Variants in EHBP1 observed in about 807,000 individuals in gnomAD.
EHBP1 encodes the protein EH domain-binding protein 1.
A neutral mutation model predicts 144.0 loss-of-function variants in EHBP1; 55 were observed. The observed-to-expected ratio is 0.38, with a 90% CI of 0.31 to 0.48. The LOEUF (loss-of-function observed/expected upper bound fraction) is 0.48, where lower values mean the gene tolerates loss of function less well. Ranked by LOEUF, EHBP1 falls within the 20% of genes least tolerant of loss-of-function variation. EHBP1 has a pLI of 0.98. For missense variants in EHBP1, 1,200 were observed against 1,364.2 expected (o/e 0.88, Z 1.90); for synonymous variants, 469 against 472.7 (o/e 0.99, Z 0.10).
At chr2:62,676,531 G>T (rs757409255) in intron 1 of EHBP1, among the ~76,000 whole-genome samples, 4 of 152,156 alleles carry the variant, frequency 2.6e-5, no homozygotes, top group Non-Finnish European at 4.4e-5. Flanking sequence ...ATAAAGCCAC[G>T]GGTTAGCCTG....
intron 8 of EHBP1, among the ~76,000 whole-genome samples, chr2:62,860,419 A>G (rs992881956): frequency 4.6e-5 from 7 of 152,118 alleles, no homozygotes; most frequent in Non-Finnish European, 1.5e-5. Flanking sequence ...TGAACCTGGG[A>G]GGCGGAGGTT....
Position 62,747,425 on chromosome 2 carries a change from C to A in EHBP1, c.135C>A (p.Thr45=), listed in dbSNP as rs1029320030. 1 of 1,609,040 alleles carries A rather than the reference C, an allele frequency of 6.2e-7. No individual in the cohort carries two copies. The highest frequency in any genetic ancestry group is 8.5e-7 in the Non-Finnish European group (1 of 1,177,472). The part of the protein sequence containing the change: ...WQPDKLVVVW[T]RRSRRKSSKA... ...CAGATAAACTGGTGGTAGTTTGGACCAGAAGAAGCCGAAGGAAGTCTTCTA... is the reference window on the plus strand; with the variant it reads ...CAGATAAACTGGTGGTAGTTTGGACAAGAAGAAGCCGAAGGAAGTCTTCTA... The change falls in exon 3 of 23, where the codon ACC becomes ACA. Residue 45 remains threonine (T), a synonymous_variant. Transcript: ENST00000431489.
At chr2:62,869,296 C>T (rs545392208) in intron 9 of EHBP1, among the ~76,000 whole-genome samples, 32 of 152,280 alleles carry the variant, frequency 2.1e-4, no homozygotes, top group African/African-American at 7.5e-4. Context: ...TCCATTTCTA[C>T]GTTTCAAGAG....
At chr2:62,962,284 C>A (rs964474823) in intron 14 of EHBP1, among the ~76,000 whole-genome samples, 1 of 152,116 alleles carries the variant, frequency 6.6e-6, no homozygotes, top group Non-Finnish European at 1.5e-5. Context: ...CAAGATTGTG[C>A]CACTGCACTC....
At chr2:62,901,444 G>C (rs1043487486) in intron 10 of EHBP1, among the ~76,000 whole-genome samples, 8 of 151,980 alleles carry the variant, frequency 5.3e-5, no homozygotes, top group African/African-American at 1.9e-4. Context: ...CATCTATTTT[G>C]CTGTTTATTG....
At chr2:62,842,319 T>C (rs1245777343) in intron 7 of EHBP1, among the ~76,000 whole-genome samples, 1 of 152,148 alleles carries the variant, frequency 6.6e-6, no homozygotes, top group East Asian at 1.9e-4. Context: ...ACTCCTGACC[T>C]CAGGAGATCC....
chr2:62,951,134 T>A (rs1289889319), intron 13 of EHBP1, among the ~76,000 whole-genome samples: 1 of 152,176 alleles, frequency 6.6e-6, no homozygotes, highest in Non-Finnish European at 1.5e-5. Flanking sequence ...TGTTTCTTTC[T>A]CAAATAGTCC....
intron 5 of EHBP1, among the ~76,000 whole-genome samples, chr2:62,798,632 G>A (rs753595879): frequency 5.9e-5 from 9 of 152,230 alleles, no homozygotes; most frequent in South Asian, 4.1e-4. Flanking sequence ...TTAGAACAGC[G>A]CCAGACACAT....
chr2:62,721,280 A>G (rs1216783974), intron 2 of EHBP1, among the ~76,000 whole-genome samples: 4 of 152,286 alleles, frequency 2.6e-5, no homozygotes, highest in African/African-American at 9.6e-5. Context: ...GAATTTTGAT[A>G]AGATACCACA....
intron 18 of EHBP1, among the ~76,000 whole-genome samples, chr2:62,995,429 T>C (rs1456437766): frequency 6.6e-6 from 1 of 152,106 alleles, no homozygotes; most frequent in East Asian, 1.9e-4. Flanking sequence ...AAGTTACACA[T>C]ATAGTTAGAC....
At chr2:62,811,117 A>G (rs900057354) in intron 5 of EHBP1, among the ~76,000 whole-genome samples, 1 of 152,212 alleles carries the variant, frequency 6.6e-6, no homozygotes, top group African/African-American at 2.4e-5. Context: ...TAATTTTTAT[A>G]ATGTTTATGA....
intron 15 of EHBP1, among the ~76,000 whole-genome samples, chr2:62,987,721 G>C (rs1008468611): frequency 1.3e-5 from 2 of 152,086 alleles, no homozygotes; most frequent in African/African-American, 2.4e-5. Flanking sequence ...GCTTTGATGT[G>C]ATAATTCATG....
intron 2 of EHBP1, among the ~76,000 whole-genome samples, chr2:62,725,454 CTGG>C (rs2036674746): frequency 6.6e-6 from 1 of 152,156 alleles, no homozygotes; most frequent in Admixed American, 6.5e-5. Flanking sequence ...TGCCGTCATG[CTGG>C]TGGTGGTGTT....
chr2:62,741,385 G>A (rs2038694271), intron 2 of EHBP1, among the ~76,000 whole-genome samples: 1 of 152,072 alleles, frequency 6.6e-6, no homozygotes, highest in Non-Finnish European at 1.5e-5. Flanking sequence ...TCTGCTAAAA[G>A]TTATTACTTC....
intron 14 of EHBP1, among the ~76,000 whole-genome samples, chr2:62,975,160 C>A (rs2058656983): frequency 6.6e-6 from 1 of 152,214 alleles, no homozygotes; most frequent in African/African-American, 2.4e-5. Flanking sequence ...CTAGAATGGT[C>A]AACTGAAGCA....
chr2:62,856,319 GGGGCCCTGT>G (rs2049052240), intron 7 of EHBP1, among the ~76,000 whole-genome samples: 1 of 152,212 alleles, frequency 6.6e-6, no homozygotes, highest in Non-Finnish European at 1.5e-5. Context: ...CTCCCGCTTT[GGGGCCCTGT>G]GGTTCCTGGC....
chr2:62,868,238 G>T (rs903614804), intron 9 of EHBP1, among the ~76,000 whole-genome samples: 2 of 152,072 alleles, frequency 1.3e-5, no homozygotes, highest in African/African-American at 4.8e-5. Context: ...ACTTAGCTAG[G>T]CATGGTTTCA....
chr2:62,973,273 A>T (rs528996730), intron 14 of EHBP1, among the ~76,000 whole-genome samples: 7 of 152,362 alleles, frequency 4.6e-5, no homozygotes, highest in South Asian at 2.1e-4. Flanking sequence ...CCAGCTATGT[A>T]AGAAGTTATT....
At chr2:62,814,124 A>G (rs2152543304) in intron 5 of EHBP1, among the ~76,000 whole-genome samples, 1 of 152,354 alleles carries the variant, frequency 6.6e-6, no homozygotes, top group East Asian at 1.9e-4. Context: ...CCTGTGTTGG[A>G]AAAGTAATCC....
Sources: allele counts gnomAD v4.1 joint callset (sites outside exome capture counted in the v4.1 genomes callset), GRCh38; gene constraint gnomAD v4.1.1; transcripts MANE v1.5; gene names NCBI Gene and HGNC (gene_info 2026-07-23, HGNC 2026-07-21).